The following CACNA2D3 variants were observed in gnomAD, a reference collection of about 807,000 sequenced individuals.
CACNA2D3 encodes the protein calcium voltage-gated channel auxiliary subunit alpha2delta 3, also known as voltage-dependent calcium channel subunit alpha-2/delta-3.
A neutral mutation model predicts 160.6 loss-of-function variants in CACNA2D3; 60 were observed. That is an observed-to-expected ratio of 0.37 (90% CI 0.30 to 0.46). The LOEUF is 0.46. CACNA2D3 is among the 20% of genes least tolerant of loss of function. The probability of loss-of-function intolerance (pLI) is 1.00; values close to 1 mark genes in which losing one functional copy is unlikely to be tolerated. For synonymous variants in CACNA2D3, 558 were observed against 492.9 expected (o/e 1.13, Z -1.75); for missense variants, 1,205 against 1,365.0 (o/e 0.88, Z 1.85).
chr3:54,429,371 A>G (rs538179732), intron 4 of CACNA2D3, among the ~76,000 whole-genome samples: 2 of 151,930 alleles, frequency 1.3e-5, no homozygotes, highest in South Asian at 4.2e-4. Flanking sequence ...TTTCCTTTCC[A>G]TTTCTTTTCT....
intron 27 of CACNA2D3, among the ~76,000 whole-genome samples, chr3:54,929,790 G>T (rs1421667192): frequency 1.3e-5 from 2 of 152,082 alleles, no homozygotes; most frequent in Admixed American, 6.5e-5. Context: ...CAGGTGCACA[G>T]AATTTAATGA....
chr3:54,171,001 C>T (rs1035431459), intron 2 of CACNA2D3, among the ~76,000 whole-genome samples: 30 of 152,068 alleles, frequency 2.0e-4, no homozygotes, highest in African/African-American at 6.3e-4. Context: ...CCTGACCGTC[C>T]GACTCAGGGA....
At chr3:54,127,219 T>C (rs1357177900) in intron 2 of CACNA2D3, among the ~76,000 whole-genome samples, 4 of 152,236 alleles carry the variant, frequency 2.6e-5, no homozygotes, top group African/African-American at 7.2e-5. Context: ...AGGTAATGTG[T>C]GTCTCTGCCA....
intron 35 of CACNA2D3, among the ~76,000 whole-genome samples, chr3:55,063,198 G>C (rs1002458023): frequency 6.6e-6 from 1 of 152,146 alleles, no homozygotes; most frequent in African/African-American, 2.4e-5. Context: ...CCCCGAACCA[G>C]CAGCATCAGT....
chr3:55,039,573 C>T (rs1703913903), intron 35 of CACNA2D3, among the ~76,000 whole-genome samples: 1 of 152,166 alleles, frequency 6.6e-6, no homozygotes, highest in African/African-American at 2.4e-5. Context: ...CTGTGGAAGC[C>T]ACTTCAACTT....
chr3:54,506,554 C>T (rs1229512108), intron 5 of CACNA2D3, among the ~76,000 whole-genome samples: 4 of 152,220 alleles, frequency 2.6e-5, no homozygotes, highest in Non-Finnish European at 5.9e-5. Context: ...GTGCTTTCCT[C>T]TCTGGCTGAG....
intron 31 of CACNA2D3, among the ~76,000 whole-genome samples, chr3:55,001,360 T>C (rs1255204657): frequency 2.0e-5 from 3 of 152,240 alleles, no homozygotes; most frequent in Non-Finnish European, 4.4e-5. Context: ...AGCCCATTAA[T>C]TGGTAGTGGC....
intron 4 of CACNA2D3, among the ~76,000 whole-genome samples, chr3:54,416,240 T>A (rs941747220): frequency 3.9e-5 from 6 of 152,328 alleles, no homozygotes; most frequent in Non-Finnish European, 7.4e-5. Flanking sequence ...CCCAGGTCAC[T>A]TGCAAAGCTC....
Position 54,865,067 on chromosome 3 carries a change from G to A in CACNA2D3, c.1627-6472G>A, listed in dbSNP as rs1322103045. 7.2e-5 allele frequency among the ~76,000 whole-genome samples: 11 copies of A among 152,256 alleles called. No individual in the cohort carries two copies. The Middle Eastern group carries it at 0.014, about 188-fold the overall frequency. On this transcript the variant is annotated intron_variant, in intron 17 of 37. Transcript: ENST00000474759. ...GAAACTGCCCAGTGGGGGAATAATC[G>A]CTTTTTTATTCTTTTCTAAAGGCAC...
intron 2 of CACNA2D3, among the ~76,000 whole-genome samples, chr3:54,313,127 A>G (rs1435378500): frequency 3.9e-5 from 6 of 152,052 alleles, no homozygotes; most frequent in Non-Finnish European, 2.9e-5. Context: ...TCCTCCCAGT[A>G]AGACTGCAGG....
At chr3:54,329,217 T>C (rs1403160463) in intron 3 of CACNA2D3, among the ~76,000 whole-genome samples, 1 of 152,242 alleles carries the variant, frequency 6.6e-6, no homozygotes, top group Admixed American at 6.5e-5. Context: ...CTCTTTCCCC[T>C]TGTTTAACTG....
chr3:54,475,713 C>T (rs1287546238), intron 4 of CACNA2D3, among the ~76,000 whole-genome samples: 1 of 151,488 alleles, frequency 6.6e-6, no homozygotes, highest in Non-Finnish European at 1.5e-5. Flanking sequence ...GACAAATAAA[C>T]AAATAAACAT....
chr3:54,842,391 G>A (rs1045629432), intron 16 of CACNA2D3, among the ~76,000 whole-genome samples: 9 of 152,086 alleles, frequency 5.9e-5, no homozygotes, highest in Non-Finnish European at 1.0e-4. Flanking sequence ...GATGAGCTAG[G>A]TAACATTTGA....
chr3:55,003,150 C>T (rs1469953190), intron 31 of CACNA2D3, among the ~76,000 whole-genome samples: 1 of 152,128 alleles, frequency 6.6e-6, no homozygotes, highest in Non-Finnish European at 1.5e-5. Context: ...TTGTAGTATT[C>T]TAGAAAGGAA....
At position 55,052,823 on chromosome 3, in the gene CACNA2D3, C is replaced by T. The variant is rs114326863; in HGVS notation, c.2988-20622C>T. On this transcript the variant is annotated intron_variant, in intron 35 of 37. Coordinates refer to ENST00000474759, the MANE Select transcript of CACNA2D3 (RefSeq NM_018398.3). ...GCTACTGCAGGTTCATTGTGACTAA[C>T]ATTTTCGTGGAATCTTTCCCCATCT... 6.1e-3 allele frequency among the ~76,000 whole-genome samples: 931 copies of T among 152,176 alleles called. 12 individuals are homozygous for T. Among genetic ancestry groups the T allele is most frequent in the African/African-American group, 0.019 (804 of 41,532 alleles).
chr3:54,379,904 T>TA (rs550601363), intron 3 of CACNA2D3, among the ~76,000 whole-genome samples: 1 of 151,896 alleles, frequency 6.6e-6, no homozygotes, highest in Non-Finnish European at 1.5e-5. Context: ...TAAACCATCT[T>TA]ACGTTTTTTT....
At chr3:54,603,048 C>T (rs902033207) in intron 9 of CACNA2D3, among the ~76,000 whole-genome samples, 11 of 152,246 alleles carry the variant, frequency 7.2e-5, no homozygotes, top group Admixed American at 2.0e-4. Context: ...CCTCTCTGTT[C>T]GGTGTCACTA....
At chr3:54,813,956 C>T (rs995698564) in intron 13 of CACNA2D3, among the ~76,000 whole-genome samples, 2 of 151,246 alleles carry the variant, frequency 1.3e-5, no homozygotes, top group South Asian at 4.2e-4. Context: ...CCTCAACCTC[C>T]TGGGCTCAGG....
chr3:55,055,077 A>G (rs1484202170), intron 35 of CACNA2D3, among the ~76,000 whole-genome samples: 5 of 152,058 alleles, frequency 3.3e-5, no homozygotes, highest in African/African-American at 1.2e-4. Flanking sequence ...AGTCTTTTTT[A>G]TATAAGAAAC....
Sources: gnomAD v4.1 joint callset for allele counts (sites outside exome capture counted in the v4.1 genomes callset) on GRCh38, gnomAD v4.1.1 for gene constraint, MANE v1.5 for transcripts, NCBI Gene and HGNC (gene_info 2026-07-23, HGNC 2026-07-21) for gene names.